Variants in ZNF804A observed in about 807,000 individuals in gnomAD.
The protein encoded by ZNF804A is zinc finger protein 804A.
In ZNF804A, 2 loss-of-function variants were observed where a neutral mutation model predicts 16.5. The ratio of observed to expected loss-of-function variants is 0.12; its 90% CI spans 0.05 to 0.38. The LOEUF (loss-of-function observed/expected upper bound fraction) is 0.38, where lower values mean the gene tolerates loss of function less well. ZNF804A is among the 10% of genes least tolerant of loss of function. The pLI, the probability that ZNF804A is intolerant of heterozygous loss-of-function variation, is 0.99. For synonymous variants in ZNF804A, 534 were observed against 489.6 expected, an observed-to-expected ratio of 1.09 and a Z score of -1.20; for missense variants, 1,473 against 1,390.7, an observed-to-expected ratio of 1.06 and a Z score of -0.94.
Position 184,729,940 on chromosome 2 carries a change from C to T in ZNF804A, c.111+130870C>T, listed in dbSNP as rs191559027. ...TGAATTTCTCTTTGCATGCCTGTCC[C>T]AAACACTCATGGAGTAAATATGTGC... On this transcript the variant is annotated intron_variant, in intron 1 of 3. Transcript: ENST00000302277. Among the ~76,000 whole-genome samples the T allele has an allele frequency of 2.2e-3, 332 of 152,162 alleles. 6 individuals carry two copies. The highest frequency in any genetic ancestry group is 8.1e-4 in the Non-Finnish European group (55 of 67,976).
chr2:184,925,473 G>A (rs1292246472), intron 2 of ZNF804A, among the ~76,000 whole-genome samples: 3 of 151,216 alleles, frequency 2.0e-5, no homozygotes, highest in Non-Finnish European at 4.4e-5. Flanking sequence ...TGGATCTCGG[G>A]TTTTTTTAAA....
chr2:184,842,524 A>T (rs72905741), intron 1 of ZNF804A, among the ~76,000 whole-genome samples: 51,635 of 149,780 alleles, frequency 0.34, 11,404 homozygotes, highest in African/African-American at 0.64. Flanking sequence ...TTTTTTTTTT[A>T]AAAAAAAAGG....
intron 1 of ZNF804A, among the ~76,000 whole-genome samples, chr2:184,730,902 C>T (rs1693502475): frequency 6.6e-6 from 1 of 150,942 alleles, no homozygotes; most frequent in Non-Finnish European, 1.5e-5. Flanking sequence ...TACCAAGGAG[C>T]ATGATTGCTG....
chr2:184,782,730 T>C (rs1052626455), intron 1 of ZNF804A, among the ~76,000 whole-genome samples: 4 of 149,428 alleles, frequency 2.7e-5, no homozygotes, highest in African/African-American at 9.8e-5. Flanking sequence ...GTTTTGTCCT[T>C]CTAGAGAAGG....
At chr2:184,678,239 G>A (rs1692473656) in intron 1 of ZNF804A, among the ~76,000 whole-genome samples, 1 of 151,868 alleles carries the variant, frequency 6.6e-6, no homozygotes, top group African/African-American at 2.4e-5. Context: ...ACTTTTATGT[G>A]GTTTAATATA....
chr2:184,655,607 A>G (rs915105591), intron 1 of ZNF804A, among the ~76,000 whole-genome samples: 3 of 152,192 alleles, frequency 2.0e-5, no homozygotes, highest in Non-Finnish European at 4.4e-5. Flanking sequence ...ATTTTATTCA[A>G]TATAATTTGT....
intron 1 of ZNF804A, among the ~76,000 whole-genome samples, chr2:184,636,690 T>C (rs1250066131): frequency 6.6e-6 from 1 of 152,012 alleles, no homozygotes; most frequent in East Asian, 1.9e-4. Context: ...GATCCTTTTT[T>C]TTGTCTTCAA....
intron 1 of ZNF804A, among the ~76,000 whole-genome samples, chr2:184,605,956 A>G (rs540136125): frequency 6.6e-6 from 1 of 152,310 alleles, no homozygotes; most frequent in Non-Finnish European, 1.5e-5. Flanking sequence ...TACCTGAGGT[A>G]TTACTCTGAA....
chr2:184,844,841 C>T (rs1247157461), intron 1 of ZNF804A, among the ~76,000 whole-genome samples: 1 of 151,748 alleles, frequency 6.6e-6, no homozygotes, highest in Non-Finnish European at 1.5e-5. Flanking sequence ...TTTTGATATT[C>T]TAAATATACA....
intron 2 of ZNF804A, among the ~76,000 whole-genome samples, chr2:184,924,767 T>C (rs1326498232): frequency 3.9e-5 from 6 of 151,938 alleles, no homozygotes; most frequent in African/African-American, 1.2e-4. Flanking sequence ...AAAGAAGTGT[T>C]TCAATTTCCT....
chr2:184,660,336 T>C lies in ZNF804A; in HGVS notation c.111+61266T>C, dbSNP rs1692150432. The stretch of plus-strand genomic sequence containing the variant: ...TTGCCAGCTACTTTTAAAGAAACTA[T>C]GAAATACTTTATAAAAAAAATCTCT... On this transcript the variant is annotated intron_variant, in intron 1 of 3. Coordinates refer to ENST00000302277, the MANE Select transcript of ZNF804A (RefSeq NM_194250.2). 3.3e-5 allele frequency among the ~76,000 whole-genome samples: 5 copies of C among 152,220 alleles called. No individual in the cohort carries two copies. In the South Asian group the frequency reaches 1.0e-3, roughly 32 times the overall value.
chr2:184,617,254 A>C lies in ZNF804A; in HGVS notation c.111+18184A>C, dbSNP rs138323914. On this transcript the variant is annotated intron_variant, in intron 1 of 3. Coordinates refer to ENST00000302277, the MANE Select transcript of ZNF804A (RefSeq NM_194250.2). ...TAGGTTAAGCTTCATGAGAAAATTT[A>C]GTTAACTTGGCCAATTTCCTTTTCA... 4.9e-3 allele frequency among the ~76,000 whole-genome samples: 749 copies of C among 152,210 alleles called. 4 individuals carry two copies. Among genetic ancestry groups the C allele is most frequent in the African/African-American group, 0.017 (713 of 41,562 alleles).
At chr2:184,646,292 A>G (rs1161323848) in intron 1 of ZNF804A, among the ~76,000 whole-genome samples, 1 of 152,194 alleles carries the variant, frequency 6.6e-6, no homozygotes, top group Admixed American at 6.5e-5. Flanking sequence ...GGGCAGGAAG[A>G]GTGCTACTAC....
At chr2:184,749,238 A>G (rs1046043822) in intron 1 of ZNF804A, among the ~76,000 whole-genome samples, 3 of 151,334 alleles carry the variant, frequency 2.0e-5, no homozygotes, top group African/African-American at 7.3e-5. Context: ...CATTTGTGTC[A>G]TCATTGATTA....
chr2:184,669,772 A>ACT (rs747442214), intron 1 of ZNF804A, among the ~76,000 whole-genome samples: 2 of 151,548 alleles, frequency 1.3e-5, no homozygotes, highest in East Asian at 1.9e-4. Flanking sequence ...ACGCACACAC[A>ACT]CACACACACT....
chr2:184,939,104 T>C lies in ZNF804A; in HGVS notation c.*78T>C. 4 of 1,522,134 alleles carry C rather than the reference T, an allele frequency of 2.6e-6. No individual in the cohort carries two copies. The highest frequency in any genetic ancestry group is 2.5e-5 in the South Asian group (2 of 78,850). The allele number at this position is 1,522,134 out of a possible 1,614,324, so 94.3% of individuals were successfully genotyped here. Reference sequence around the variant, plus strand: ...TTAAGTGTTCATCTATGTGGGTACATGGCTATTTAACTGGTGGAAATAAAC... The same window carrying C: ...TTAAGTGTTCATCTATGTGGGTACACGGCTATTTAACTGGTGGAAATAAAC... On this transcript the variant is annotated 3_prime_UTR_variant, in exon 4 of 4. Transcript: ENST00000302277.
chr2:184,800,280 C>A (rs1235867581), intron 1 of ZNF804A, among the ~76,000 whole-genome samples: 1 of 151,770 alleles, frequency 6.6e-6, no homozygotes, highest in Admixed American at 6.6e-5. Context: ...GTAAGTCTTG[C>A]TGAAATTCTC....
rs549074225 is a variant in ZNF804A, at chr2:184,791,377, G to T, written c.112-74992G>T. ...GTAGTGGTGACAACTCTTAGTGAAT[G>T]CTTGTTTGGGAAAAGACTTTATTTC... is the stretch of plus-strand genomic sequence containing the variant. On this transcript the variant is annotated intron_variant, in intron 1 of 3. Transcript: ENST00000302277. 2.6e-5 allele frequency among the ~76,000 whole-genome samples: 4 copies of T among 152,212 alleles called. No individual in the cohort carries two copies. The East Asian group carries it at 7.7e-4, about 29-fold the overall frequency.
rs78457391 is a variant in ZNF804A, at chr2:184,879,357, C to T, written c.255+12845C>T. Among the ~76,000 whole-genome samples the T allele has an allele frequency of 9.1e-3, 1,380 of 152,070 alleles. 23 individuals are homozygous for T. The highest frequency in any genetic ancestry group is 0.032 in the African/African-American group (1,319 of 41,526). Reference sequence around the variant, plus strand: ...ATGGTCACACTGTAGGAAAGGAGAACATAGTGAAGTTTTCAACCTCATTTC... The same window carrying T: ...ATGGTCACACTGTAGGAAAGGAGAATATAGTGAAGTTTTCAACCTCATTTC... On this transcript the variant is annotated intron_variant, in intron 2 of 3. Transcript: ENST00000302277.
Sources: allele counts gnomAD v4.1 joint callset (sites outside exome capture counted in the v4.1 genomes callset), GRCh38; gene constraint gnomAD v4.1.1; transcripts MANE v1.5; gene names NCBI Gene and HGNC (gene_info 2026-07-23, HGNC 2026-07-21).